ZNRF3: variants seen among roughly 807,000 people sequenced by gnomAD.
The protein encoded by ZNRF3 is E3 ubiquitin-protein ligase ZNRF3.
In ZNRF3, 23 loss-of-function variants were observed where a neutral mutation model predicts 72.5. The ratio of observed to expected loss-of-function variants is 0.32; its 90% CI spans 0.23 to 0.45. The LOEUF (loss-of-function observed/expected upper bound fraction) is 0.45, where lower values mean the gene tolerates loss of function less well. ZNRF3 is among the 20% of genes least tolerant of loss of function. ZNRF3 has a pLI of 1.00. For synonymous variants in ZNRF3, 610 were observed against 545.3 expected, an observed-to-expected ratio of 1.12 and a Z score of -1.65; for missense variants, 1,169 against 1,272.1, an observed-to-expected ratio of 0.92 and a Z score of 1.23.
intron 1 of ZNRF3, among the ~76,000 whole-genome samples, chr22:28,891,357 T>C (rs2033883134): frequency 6.6e-6 from 1 of 152,240 alleles, no homozygotes; most frequent in South Asian, 2.1e-4. Flanking sequence ...AGATGTATAA[T>C]TGAGGAAAGC....
intron 6 of ZNRF3, 142 bp downstream of exon 6, chr22:29,047,025 G>A: frequency 1.3e-6 from 1 of 795,168 alleles, no homozygotes; most frequent in Non-Finnish European, 1.8e-6. Context: ...TCTGAGACTT[G>A]ACTTGATACT....
intron 1 of ZNRF3, among the ~76,000 whole-genome samples, chr22:28,932,236 G>A (rs1163511323): frequency 1.3e-5 from 2 of 152,136 alleles, no homozygotes; most frequent in African/African-American, 2.4e-5. Flanking sequence ...ATCTTAGCTG[G>A]GGAGGCTGTT....
chr22:28,973,080 T>C (rs559463661), intron 1 of ZNRF3, among the ~76,000 whole-genome samples: 20 of 152,254 alleles, frequency 1.3e-4, no homozygotes, highest in African/African-American at 4.3e-4. Context: ...ACTTGTGGGC[T>C]CAATCTTCCT....
At chr22:29,046,582 C>G (rs542911233) in intron 5 of ZNRF3, 134 bp from the exon 6 acceptor site, 2 of 980,782 alleles carry the variant, frequency 2.0e-6, no homozygotes, top group Non-Finnish European at 2.9e-6. Context: ...GAGTTCTGAG[C>G]GACTTCTCAG....
chr22:29,021,661 T>C lies in ZNRF3; in HGVS notation c.427-20834T>C, dbSNP rs141715976. 6.5e-3 allele frequency among the ~76,000 whole-genome samples: 990 copies of C among 151,930 alleles called. 18 individuals are homozygous for C. Among genetic ancestry groups the C allele is most frequent in the Middle Eastern group, 0.017 (5 of 294 alleles). ...CGCCACCATGCCCGGCTAATTTTTG[T>C]ATATTTAGTAGAGGCGGGGTTTCAC... is the stretch of plus-strand genomic sequence containing the variant. On this transcript the variant is annotated intron_variant, in intron 2 of 8. Coordinates refer to ENST00000544604, the MANE Select transcript of ZNRF3 (RefSeq NM_001206998.2).
chr22:28,949,237 C>G (rs2035110079), intron 1 of ZNRF3, among the ~76,000 whole-genome samples: 1 of 151,878 alleles, frequency 6.6e-6, no homozygotes, highest in South Asian at 2.1e-4. Flanking sequence ...CTCGGCTTCC[C>G]AAAGTGCTGG....
chr22:28,982,620 CCT>C (rs1489773865), intron 1 of ZNRF3, among the ~76,000 whole-genome samples: 1 of 151,288 alleles, frequency 6.6e-6, no homozygotes, highest in African/African-American at 2.4e-5. Context: ...ATAGGAAAGG[CCT>C]CTGTTTCACT....
rs538767713 is a variant in ZNRF3 at position 28,892,894 on chromosome 22, G to A, written c.300+8828G>A. Reference sequence around the variant, plus strand: ...GCATTTAAAAAATAAAAGAGCCGGCGCGGTGGCTCATGCCTGTAATCCCAG... The same window carrying A: ...GCATTTAAAAAATAAAAGAGCCGGCACGGTGGCTCATGCCTGTAATCCCAG... On this transcript the variant is annotated intron_variant, in intron 1 of 8. Coordinates refer to ENST00000544604, the MANE Select transcript of ZNRF3 (RefSeq NM_001206998.2). 4.6e-5 allele frequency among the ~76,000 whole-genome samples: 7 copies of A among 152,262 alleles called. No individual in the cohort carries two copies. In the South Asian group the frequency reaches 6.2e-4, roughly 14 times the overall value.
At position 28,973,186 on chromosome 22, in the gene ZNRF3, C is replaced by T. The variant is rs572870968; in HGVS notation, c.301-13890C>T. Among the ~76,000 whole-genome samples the T allele has an allele frequency of 8.5e-4, 130 of 152,216 alleles. 1 individual carries two copies. In the South Asian group the frequency reaches 0.022, roughly 26 times the overall value. On this transcript the variant is annotated intron_variant, in intron 1 of 8. Coordinates refer to ENST00000544604, the MANE Select transcript of ZNRF3 (RefSeq NM_001206998.2). Reference sequence around the variant, plus strand: ...GTAGAGACAGAGTTTTGCTATGTTACTTAGGCTGGTCTCAAACTCCTGAGC... The same window carrying T: ...GTAGAGACAGAGTTTTGCTATGTTATTTAGGCTGGTCTCAAACTCCTGAGC...
chr22:29,009,932 T>C (rs989551822), intron 2 of ZNRF3, among the ~76,000 whole-genome samples: 1 of 131,354 alleles, frequency 7.6e-6, no homozygotes, highest in African/African-American at 2.9e-5. Flanking sequence ...TTTGAGACAG[T>C]GTCTCGCTCT....
rs1003924079 is a variant in ZNRF3, at chr22:28,961,167, C to G, written c.301-25909C>G. On this transcript the variant is annotated intron_variant, in intron 1 of 8. Coordinates refer to ENST00000544604, the MANE Select transcript of ZNRF3 (RefSeq NM_001206998.2). The stretch of plus-strand genomic sequence containing the variant: ...CCAAGATGGCACAAAAGGGTCAACT[C>G]TTCTTCAAGACCTTTTATAAGGGCA... Among the ~76,000 whole-genome samples, 21 of 152,296 alleles carry G rather than the reference C, an allele frequency of 1.4e-4. 1 individual carries two copies. Among genetic ancestry groups the G allele is most frequent in the Middle Eastern group, 6.8e-3 (2 of 294 alleles).
chr22:28,941,880 G>A (rs1202326136), intron 1 of ZNRF3, among the ~76,000 whole-genome samples: 2 of 152,256 alleles, frequency 1.3e-5, no homozygotes, highest in South Asian at 2.1e-4. Context: ...TCTTGAACCC[G>A]GGAGGCGGAG....
chr22:28,925,812 T>C (rs1276229532), intron 1 of ZNRF3, among the ~76,000 whole-genome samples: 2 of 152,152 alleles, frequency 1.3e-5, no homozygotes. Context: ...TGATGGGTTT[T>C]TGATATTTGA....
intron 1 of ZNRF3, among the ~76,000 whole-genome samples, chr22:28,904,543 T>G (rs1213344942): frequency 6.6e-6 from 1 of 152,242 alleles, no homozygotes; most frequent in African/African-American, 2.4e-5. Flanking sequence ...CCGCCTTTGA[T>G]GTTCCCAAAT....
chr22:29,009,459 A>C (rs1307599703), intron 2 of ZNRF3, among the ~76,000 whole-genome samples: 1 of 152,140 alleles, frequency 6.6e-6, no homozygotes, highest in African/African-American at 2.4e-5. Context: ...AATTCAAAAA[A>C]AGAGGCATGC....
chr22:29,051,872 C>T (rs2037213084), intron 8 of ZNRF3, among the ~76,000 whole-genome samples: 1 of 147,096 alleles, frequency 6.8e-6, no homozygotes, highest in Non-Finnish European at 1.5e-5. Flanking sequence ...GCCTGAGCGA[C>T]TCCATCTCAA....
At chr22:28,939,161 G>A (rs1307641967) in intron 1 of ZNRF3, among the ~76,000 whole-genome samples, 2 of 151,924 alleles carry the variant, frequency 1.3e-5, no homozygotes, top group African/African-American at 4.8e-5. Flanking sequence ...GTATGTGCCT[G>A]TAATCCCAGC....
intron 2 of ZNRF3, among the ~76,000 whole-genome samples, chr22:29,040,243 G>A (rs1024679337): frequency 7.9e-5 from 12 of 151,672 alleles, no homozygotes; most frequent in Non-Finnish European, 1.8e-4. Context: ...GCCGTGGTGC[G>A]ATCTCGGCTC....
At chr22:28,890,176 A>G (rs1234511412) in intron 1 of ZNRF3, among the ~76,000 whole-genome samples, 1 of 152,234 alleles carries the variant, frequency 6.6e-6, no homozygotes, top group Non-Finnish European at 1.5e-5. Context: ...TGGTTCCCAT[A>G]GACCCACTGG....
Sources: allele counts gnomAD v4.1 joint callset (sites outside exome capture counted in the v4.1 genomes callset), GRCh38; gene constraint gnomAD v4.1.1; transcripts MANE v1.5; gene names NCBI Gene and HGNC (gene_info 2026-07-23, HGNC 2026-07-21).